The following SV2C variants were observed in gnomAD, a reference collection of about 807,000 sequenced individuals.
The protein encoded by SV2C is synaptic vesicle glycoprotein 2C.
In SV2C, 49 loss-of-function variants were observed where a neutral mutation model predicts 79.7. The ratio of observed to expected loss-of-function variants is 0.61; its 90% CI spans 0.49 to 0.78. SV2C has a LOEUF of 0.78. Among genes scored for constraint, SV2C ranks in the 30% least tolerant of loss-of-function variants. The pLI, the probability that SV2C is intolerant of heterozygous loss-of-function variation, is 0.00. For missense variants in SV2C, 833 were observed against 912.9 expected, an observed-to-expected ratio of 0.91 and a Z score of 1.13; for synonymous variants, 334 against 333.2, an observed-to-expected ratio of 1.00 and a Z score of -0.03.
chr5:76,311,712 G>A (rs759619269), intron 12 of SV2C, among the ~76,000 whole-genome samples: 1 of 152,152 alleles, frequency 6.6e-6, no homozygotes, highest in Non-Finnish European at 1.5e-5. Flanking sequence ...TGTGACATGA[G>A]CCAGACATAG....
At chr5:75,911,247 G>T in the SV2C span, 4 of 1,523,706 alleles carry the variant, frequency 2.6e-6, no homozygotes, top group Admixed American at 3.4e-5. Context: ...GCAAGTCCCA[G>T]GAGGAAGTTC....
At chr5:75,889,651 C>T in the SV2C span, among the ~76,000 whole-genome samples, 7 of 152,172 alleles carry the variant, frequency 4.6e-5, no homozygotes, top group East Asian at 1.9e-4. Flanking sequence ...ACAATACAGT[C>T]GCATTCTGAG....
At chr5:76,084,372 T>C (rs1186735793) in intron 1 of SV2C, among the ~76,000 whole-genome samples, 1 of 152,078 alleles carries the variant, frequency 6.6e-6, no homozygotes, top group Non-Finnish European at 1.5e-5. Flanking sequence ...TGACCCTTTC[T>C]CTTAGTGGGC....
chr5:76,001,148 A>G, the SV2C span, among the ~76,000 whole-genome samples: 1 of 152,122 alleles, frequency 6.6e-6, no homozygotes, highest in Non-Finnish European at 1.5e-5. Context: ...TGATGCACCA[A>G]AGTTGGGGAC....
At chr5:75,964,839 A>T in the SV2C span, among the ~76,000 whole-genome samples, 1 of 152,198 alleles carries the variant, frequency 6.6e-6, no homozygotes, top group African/African-American at 2.4e-5. Context: ...GATATTAAGA[A>T]ACACATATAT....
chr5:75,911,403 G>C, the SV2C span: 1 of 1,111,452 alleles, frequency 9.0e-7, no homozygotes, highest in South Asian at 1.4e-5. Context: ...TCCAGAGGAC[G>C]TCAGCACCCC....
the SV2C span, among the ~76,000 whole-genome samples, chr5:75,952,314 C>G: frequency 6.6e-6 from 1 of 150,486 alleles, no homozygotes; most frequent in African/African-American, 2.4e-5. Context: ...TTCCAACTTC[C>G]TTTCTTCTAA....
intron 2 of SV2C, among the ~76,000 whole-genome samples, chr5:76,177,357 C>T (rs1014847251): frequency 3.3e-5 from 5 of 151,462 alleles, no homozygotes; most frequent in Non-Finnish European, 5.9e-5. Flanking sequence ...CTAGTGATAC[C>T]TAGAATCGCA....
intron 4 of SV2C, among the ~76,000 whole-genome samples, chr5:76,274,777 C>G (rs774413994): frequency 5.3e-5 from 8 of 150,426 alleles, no homozygotes; most frequent in Admixed American, 3.3e-4. Flanking sequence ...CTGGTTAAAT[C>G]TGGTGGAGTC....
At chr5:75,943,072 G>A in the SV2C span, among the ~76,000 whole-genome samples, 1 of 152,158 alleles carries the variant, frequency 6.6e-6, no homozygotes, top group Non-Finnish European at 1.5e-5. Flanking sequence ...TCTGCACAGA[G>A]CTGGGTCTGA....
intron 4 of SV2C, among the ~76,000 whole-genome samples, chr5:76,278,886 A>C (rs760826487): frequency 6.6e-6 from 1 of 152,250 alleles, no homozygotes; most frequent in Non-Finnish European, 1.5e-5. Context: ...AGAGTGGACT[A>C]TGGAGGACCA....
chr5:76,268,750 C>T (rs1439216767), intron 4 of SV2C, among the ~76,000 whole-genome samples: 1 of 152,196 alleles, frequency 6.6e-6, no homozygotes, highest in Non-Finnish European at 1.5e-5. Context: ...CACTTCTTTA[C>T]TCTTTTTACT....
chr5:76,071,598 C>G, the SV2C span, among the ~76,000 whole-genome samples: 1 of 152,212 alleles, frequency 6.6e-6, no homozygotes, highest in Non-Finnish European at 1.5e-5. Context: ...CATTGTGTTG[C>G]TGCTTCTCAA....
At chr5:76,048,999 G>GAAAGA in the SV2C span, among the ~76,000 whole-genome samples, 1 of 86,308 alleles carries the variant, frequency 1.2e-5, no homozygotes, top group Non-Finnish European at 2.3e-5. Context: ...AAGAAAGAAA[G>GAAAGA]AAAGAAAGAA....
intron 4 of SV2C, among the ~76,000 whole-genome samples, chr5:76,269,307 C>T (rs1385582612): frequency 6.6e-6 from 1 of 152,138 alleles, no homozygotes; most frequent in African/African-American, 2.4e-5. Flanking sequence ...ATACAGGACC[C>T]TTAGTTACGT....
chr5:75,888,232 T>TG, the SV2C span, among the ~76,000 whole-genome samples: 2 of 151,998 alleles, frequency 1.3e-5, no homozygotes, highest in South Asian at 4.2e-4. Flanking sequence ...TGCAACCAGG[T>TG]GGGGGCGATG....
the SV2C span, among the ~76,000 whole-genome samples, chr5:75,860,538 T>G: frequency 1.3e-5 from 2 of 152,174 alleles, no homozygotes; most frequent in Non-Finnish European, 2.9e-5. Flanking sequence ...GATTCAATGC[T>G]ATTCCGATTC....
rs1257867324 is a variant in SV2C at position 76,301,500 on chromosome 5, A to C, written c.1955A>C (p.Asn652Thr). 8 of 1,613,544 alleles carry C rather than the reference A, an allele frequency of 5.0e-6. No individual in the cohort carries two copies. The highest frequency in any genetic ancestry group is 6.8e-6 in the Non-Finnish European group (8 of 1,179,916). Residue 652 changes from asparagine (N) to threonine (T), a missense_variant, in exon 12 of 13, where the codon AAC becomes ACC. Coordinates refer to ENST00000502798, the MANE Select transcript of SV2C (RefSeq NM_014979.4). ...AATGGATTGACCATCTCAGCCTGGA[A>C]CTCTCTTGACGTGGTCACTGTGGAA... ...LYNGLTISAWNSLDVVTVELY... is the reference protein window; with the variant it reads ...LYNGLTISAWTSLDVVTVELY...
At chr5:76,103,614 G>T (rs190118779) in intron 1 of SV2C, among the ~76,000 whole-genome samples, 193 of 152,292 alleles carry the variant, frequency 1.3e-3, no homozygotes, top group Middle Eastern at 6.8e-3. Flanking sequence ...ATAGCAATAT[G>T]CTAGTTACTT....
Sources: allele counts gnomAD v4.1 joint callset (sites outside exome capture counted in the v4.1 genomes callset), GRCh38; gene constraint gnomAD v4.1.1; transcripts MANE v1.5; gene names NCBI Gene and HGNC (gene_info 2026-07-23, HGNC 2026-07-21).